Variants in CACNB2 observed in about 807,000 individuals in gnomAD.
The protein encoded by CACNB2 is calcium voltage-gated channel auxiliary subunit beta 2, also known as voltage-dependent L-type calcium channel subunit beta-2.
Under a neutral mutation model 73.3 loss-of-function variants are expected in CACNB2, and 42 were observed. That is an observed-to-expected ratio of 0.57 (90% CI 0.45 to 0.74). The LOEUF is 0.74. Among genes scored for constraint, CACNB2 ranks in the 30% least tolerant of loss-of-function variants. The pLI is 0.00. For synonymous variants in CACNB2, 348 were observed against 310.3 expected, an observed-to-expected ratio of 1.12 and a Z score of -1.28; for missense variants, 940 against 853.0, an observed-to-expected ratio of 1.10 and a Z score of -1.27.
At chr10:18,445,528 A>G (rs561488580) in intron 3 of CACNB2, among the ~76,000 whole-genome samples, 2 of 152,098 alleles carry the variant, frequency 1.3e-5, no homozygotes, top group Non-Finnish European at 2.9e-5. Flanking sequence ...ACGTAATGTG[A>G]TTGTTATTCA....
chr10:18,158,641 T>C (rs2032229854), intron 2 of CACNB2, among the ~76,000 whole-genome samples: 1 of 152,140 alleles, frequency 6.6e-6, no homozygotes, highest in Non-Finnish European at 1.5e-5. Context: ...GTGAATTAGT[T>C]TTTCATATCA....
In CACNB2 at chr10:18,543,220, C is replaced by G. The variant is rs1167586666; in HGVS notation, c.*3496C>G. 6.6e-6 allele frequency: 1 copy of G among 152,038 alleles called. No individual in the cohort carries two copies. Among genetic ancestry groups the G allele is most frequent in the African/African-American group, 2.4e-5 (1 of 41,398 alleles). 9.4% of individuals were successfully genotyped at this position (152,038 alleles called of 1,614,324 possible). On this transcript the variant is annotated 3_prime_UTR_variant, in exon 14 of 14. Transcript: ENST00000324631. ...GACTATATTAAATATTCAACACTTC[C>G]CAGCTGCAGGGCATCTTTCTTGGGG...
chr10:18,176,076 G>A (rs1322704926), intron 2 of CACNB2, among the ~76,000 whole-genome samples: 3 of 152,206 alleles, frequency 2.0e-5, no homozygotes, highest in Non-Finnish European at 4.4e-5. Context: ...TGTTATACAT[G>A]AGAATATTTC....
At chr10:18,151,686 C>G (rs1455359678) in intron 2 of CACNB2, among the ~76,000 whole-genome samples, 1 of 152,134 alleles carries the variant, frequency 6.6e-6, no homozygotes, top group East Asian at 1.9e-4. Flanking sequence ...AGAATGAAGT[C>G]TCATCAGGAA....
At chr10:18,235,925 G>A (rs2036424278) in intron 2 of CACNB2, among the ~76,000 whole-genome samples, 1 of 152,110 alleles carries the variant, frequency 6.6e-6, no homozygotes, top group Non-Finnish European at 1.5e-5. Flanking sequence ...TAGTGAGTGA[G>A]TGATTTCTCA....
intron 2 of CACNB2, among the ~76,000 whole-genome samples, chr10:18,290,930 A>G (rs1054854987): frequency 1.3e-5 from 2 of 152,214 alleles, no homozygotes; most frequent in Non-Finnish European, 2.9e-5. Context: ...GAGCGCCAGC[A>G]CTCATTTCCA....
intron 1 of CACNB2, among the ~76,000 whole-genome samples, chr10:18,150,599 G>A (rs1365063926): frequency 1.3e-5 from 2 of 152,274 alleles, no homozygotes; most frequent in East Asian, 1.9e-4. Context: ...GGAGGCGGAG[G>A]TTGCGGTGAG....
At chr10:18,318,137 A>G (rs1164025465) in intron 2 of CACNB2, among the ~76,000 whole-genome samples, 2 of 152,244 alleles carry the variant, frequency 1.3e-5, no homozygotes, top group South Asian at 2.1e-4. Context: ...TAAATTTCAT[A>G]TGGAACCAAA....
intron 6 of CACNB2, among the ~76,000 whole-genome samples, chr10:18,508,348 C>T (rs2050598006): frequency 1.3e-5 from 2 of 152,170 alleles, no homozygotes; most frequent in Non-Finnish European, 2.9e-5. Context: ...CTTATACCTT[C>T]CCTTGATAAT....
chr10:18,370,254 C>G (rs555668537), intron 2 of CACNB2, among the ~76,000 whole-genome samples: 1 of 152,156 alleles, frequency 6.6e-6, no homozygotes, highest in Non-Finnish European at 1.5e-5. Flanking sequence ...CCGGCATTAC[C>G]GTGGAGCTTG....
chr10:18,238,208 C>G (rs943465145), intron 2 of CACNB2, among the ~76,000 whole-genome samples: 1 of 152,204 alleles, frequency 6.6e-6, no homozygotes, highest in Non-Finnish European at 1.5e-5. Flanking sequence ...ATAATGTACT[C>G]GAATCCAAAC....
intron 3 of CACNB2, among the ~76,000 whole-genome samples, chr10:18,449,370 G>A (rs1207509872): frequency 6.6e-6 from 1 of 152,158 alleles, no homozygotes; most frequent in Non-Finnish European, 1.5e-5. Context: ...GGGCGACAGA[G>A]CGAGACTCCA....
At chr10:18,203,170 T>A (rs2034954441) in intron 2 of CACNB2, among the ~76,000 whole-genome samples, 1 of 152,212 alleles carries the variant, frequency 6.6e-6, no homozygotes, top group South Asian at 2.1e-4. Context: ...AATTTTGTTC[T>A]TTCATCTGTA....
chr10:18,291,473 G>T (rs2131774483), intron 2 of CACNB2, among the ~76,000 whole-genome samples: 1 of 152,322 alleles, frequency 6.6e-6, no homozygotes, highest in African/African-American at 2.4e-5. Context: ...CTATACAGAA[G>T]ATAACATGTT....
chr10:18,414,310 C>T (rs551426074), intron 3 of CACNB2, among the ~76,000 whole-genome samples: 8 of 152,310 alleles, frequency 5.3e-5, no homozygotes, highest in African/African-American at 1.9e-4. Flanking sequence ...CTCACAGGCT[C>T]TTTTCTGAGT....
At chr10:18,532,003 T>C (rs1293770981) in intron 10 of CACNB2, 3 of 152,186 alleles carry the variant, frequency 2.0e-5, no homozygotes, top group South Asian at 2.1e-4. Flanking sequence ...GAAACGAACA[T>C]TGGGGAAGTT....
chr10:18,239,058 G>T (rs2036553168), intron 2 of CACNB2, among the ~76,000 whole-genome samples: 1 of 152,120 alleles, frequency 6.6e-6, no homozygotes, highest in South Asian at 2.1e-4. Context: ...TTCAGTGGGG[G>T]CAGTATTCTT....
chr10:18,188,721 C>A (rs183393565), intron 2 of CACNB2, among the ~76,000 whole-genome samples: 1 of 152,166 alleles, frequency 6.6e-6, no homozygotes, highest in East Asian at 1.9e-4. Context: ...ATAATGAAAT[C>A]ATCTCGTTAT....
intron 2 of CACNB2, among the ~76,000 whole-genome samples, chr10:18,225,600 CCTTT>C (rs928924002): frequency 7.0e-5 from 7 of 100,552 alleles, no homozygotes; most frequent in African/African-American, 1.5e-4. Context: ...TTCCTTCCTT[CCTTT>C]CTTCCGTCGT....
Sources: gnomAD v4.1 joint callset for allele counts (sites outside exome capture counted in the v4.1 genomes callset) on GRCh38, gnomAD v4.1.1 for gene constraint, MANE v1.5 for transcripts, NCBI Gene and HGNC (gene_info 2026-07-23, HGNC 2026-07-21) for gene names.